The following ACSF3 variants were observed in gnomAD, a reference collection of about 807,000 sequenced individuals.
The protein encoded by ACSF3 is acyl-CoA synthetase family member 3.
In ACSF3, 78 loss-of-function variants were observed where a neutral mutation model predicts 53.2. That is an observed-to-expected ratio of 1.47 (90% CI 1.22 to 1.77). The LOEUF is 1.77. Ranked by LOEUF, ACSF3 falls within the 40% of genes most tolerant of loss-of-function variation. ACSF3 has a pLI of 0.00. For synonymous variants in ACSF3, 414 were observed against 333.1 expected (o/e 1.24, Z -2.65); for missense variants, 937 against 771.1 (o/e 1.22, Z -2.55).
intron 4 of ACSF3, among the ~76,000 whole-genome samples, chr16:89,104,638 A>G (rs1975752300): frequency 6.6e-6 from 1 of 152,184 alleles, no homozygotes; most frequent in African/African-American, 2.4e-5. Context: ...TGAGAGGCCC[A>G]TCCTCTTCTC....
At chr16:89,123,294 G>A (rs556553365) in intron 7 of ACSF3, among the ~76,000 whole-genome samples, 79 of 152,262 alleles carry the variant, frequency 5.2e-4, no homozygotes, top group Admixed American at 1.0e-3. Flanking sequence ...GGTGATGATG[G>A]GCGCTGTGAA....
chr16:89,117,062 G>T (rs749781685), intron 6 of ACSF3, among the ~76,000 whole-genome samples: 1 of 152,204 alleles, frequency 6.6e-6, no homozygotes, highest in Non-Finnish European at 1.5e-5. Context: ...AGCAAAGCCC[G>T]GCTCGCTGAG....
chr16:89,145,851 G>A, intron 9 of ACSF3, 87 bp from the exon 10 acceptor site: 1 of 1,151,872 alleles, frequency 8.7e-7, no homozygotes, highest in Non-Finnish European at 1.3e-6. Context: ...CGGCCAGACT[G>A]CGCTCTTCCT....
chr16:89,136,358 A>G (rs1406930415), intron 8 of ACSF3, among the ~76,000 whole-genome samples: 1 of 152,132 alleles, frequency 6.6e-6, no homozygotes, highest in Non-Finnish European at 1.5e-5. Flanking sequence ...TGCTGCAAAC[A>G]GGAAGGGAGT....
chr16:89,150,966 A>G, intron 10 of ACSF3: 2 of 1,280,792 alleles, frequency 1.6e-6, no homozygotes, highest in Non-Finnish European at 2.0e-6. Flanking sequence ...TTCCAACAAG[A>G]AGATATCCAG....
chr16:89,114,961 G>A (rs1040361158), intron 6 of ACSF3: 1 of 263,830 alleles, frequency 3.8e-6, no homozygotes, highest in Admixed American at 4.9e-5. Flanking sequence ...TTCTCTAGAT[G>A]TGGGCTCCTG....
intron 7 of ACSF3, among the ~76,000 whole-genome samples, chr16:89,127,697 G>A (rs1345695078): frequency 6.6e-6 from 1 of 152,088 alleles, no homozygotes; most frequent in Non-Finnish European, 1.5e-5. Context: ...AAAGAACTAT[G>A]AATTCAATTT....
At chr16:89,116,995 T>G (rs1905233108) in intron 6 of ACSF3, among the ~76,000 whole-genome samples, 1 of 152,208 alleles carries the variant, frequency 6.6e-6, no homozygotes. Context: ...CTTAGTAGGA[T>G]GTGCTGGTTT....
At chr16:89,118,961 G>T (rs1040550017) in intron 6 of ACSF3, among the ~76,000 whole-genome samples, 5 of 152,032 alleles carry the variant, frequency 3.3e-5, no homozygotes, top group African/African-American at 1.2e-4. Context: ...ACTGTCACAT[G>T]CCCGGGGCAC....
At chr16:89,109,229 C>CAAAAAAAAAAA (rs773650798) in intron 4 of ACSF3, among the ~76,000 whole-genome samples, 5 of 68,524 alleles carry the variant, frequency 7.3e-5, no homozygotes, top group Admixed American at 1.8e-4. Flanking sequence ...AAGACTGTCT[C>CAAAAAAAAAAA]AAAAAAAAAA....
intron 4 of ACSF3, among the ~76,000 whole-genome samples, chr16:89,106,936 G>A (rs2151429100): frequency 6.6e-6 from 1 of 152,332 alleles, no homozygotes; most frequent in East Asian, 1.9e-4. Flanking sequence ...CACAGCCTCT[G>A]GAGATCAAAG....
intron 10 of ACSF3, chr16:89,151,446 G>A (rs1914066800): frequency 6.4e-6 from 2 of 314,218 alleles, no homozygotes; most frequent in Admixed American, 4.6e-5. Flanking sequence ...GAAAACGAGA[G>A]GACAGTGTTC....
chr16:89,137,399 C>T (rs1419549586), intron 8 of ACSF3, among the ~76,000 whole-genome samples: 36 of 142,874 alleles, frequency 2.5e-4, no homozygotes, highest in East Asian at 1.0e-3. Flanking sequence ...CCCCAGGTCC[C>T]GGGAGGACCA....
intron 1 of ACSF3, among the ~76,000 whole-genome samples, chr16:89,096,996 A>G (rs1470229535): frequency 6.7e-6 from 1 of 150,302 alleles, no homozygotes; most frequent in African/African-American, 2.5e-5. Flanking sequence ...GAGTTTGCCC[A>G]GCCCAGCTGT....
At chr16:89,119,805 A>C (rs74761631) in intron 6 of ACSF3, among the ~76,000 whole-genome samples, 2 of 152,162 alleles carry the variant, frequency 1.3e-5, no homozygotes, top group Non-Finnish European at 2.9e-5. Flanking sequence ...CCGGGCACCG[A>C]CAGCCCCTCA....
intron 8 of ACSF3, among the ~76,000 whole-genome samples, chr16:89,140,181 G>C (rs1295935614): frequency 1.3e-5 from 2 of 152,236 alleles, no homozygotes; most frequent in Admixed American, 6.5e-5. Context: ...CCTGCTGGGC[G>C]GTGGCCTGTG....
intron 7 of ACSF3, among the ~76,000 whole-genome samples, chr16:89,127,050 C>T (rs748436244): frequency 6.6e-6 from 1 of 152,176 alleles, no homozygotes; most frequent in Non-Finnish European, 1.5e-5. Context: ...ACCAAGCTTT[C>T]ATTCCCAGGA....
intron 7 of ACSF3, among the ~76,000 whole-genome samples, chr16:89,130,999 T>A (rs1909163402): frequency 6.6e-6 from 1 of 152,286 alleles, no homozygotes; most frequent in African/African-American, 2.4e-5. Context: ...GATTCTTTAT[T>A]TCTGTATTTT....
chr16:89,125,698 A>AAGAGAGAGAG (rs56085364), intron 7 of ACSF3, among the ~76,000 whole-genome samples: 2,018 of 147,932 alleles, frequency 0.014, 15 homozygotes, highest in Admixed American at 0.016. Context: ...CAAAAAAAAA[A>AAGAGAGAGAG]AGAGAGAGAG....
Sources: gnomAD v4.1 joint callset for allele counts (sites outside exome capture counted in the v4.1 genomes callset) on GRCh38, gnomAD v4.1.1 for gene constraint, MANE v1.5 for transcripts, NCBI Gene and HGNC (gene_info 2026-07-23, HGNC 2026-07-21) for gene names.